The following MAU2 variants were observed in gnomAD, a reference collection of about 807,000 sequenced individuals.
The protein encoded by MAU2 is MAU2 sister chromatid cohesion factor.
A neutral mutation model predicts 89.1 loss-of-function variants in MAU2; 9 were observed. That is an observed-to-expected ratio of 0.10 (90% CI 0.06 to 0.18). The LOEUF (loss-of-function observed/expected upper bound fraction) is 0.18. Ranked by LOEUF, MAU2 falls within the 10% of genes least tolerant of loss-of-function variation. MAU2 has a pLI of 1.00. For missense variants in MAU2, 425 were observed against 803.5 expected, an observed-to-expected ratio of 0.53 and a Z score of 5.69; for synonymous variants, 357 against 343.4, an observed-to-expected ratio of 1.04 and a Z score of -0.44.
intron 16 of MAU2, 39 bp from the exon 17 acceptor site, chr19:19,354,316 C>T (rs1434468738): frequency 6.5e-7 from 1 of 1,544,594 alleles, no homozygotes; most frequent in Non-Finnish European, 9.0e-7. Context: ...CAAGTGGGGT[C>T]CAGGCTCCTC....
rs369114081 is a variant in MAU2 at position 19,348,983 on chromosome 19, G to A, written c.1358+45G>A. Reference sequence around the variant, plus strand: ...ACTCCACGCACGGCCTAGGCTCCCCGTGCTCTTTGGTTGGGGCCCCTGACT... The same window carrying A: ...ACTCCACGCACGGCCTAGGCTCCCCATGCTCTTTGGTTGGGGCCCCTGACT... On this transcript the variant is annotated intron_variant, in intron 14 of 18. Transcript: ENST00000262815. The A allele has an allele frequency of 5.9e-5, 94 of 1,602,622 alleles. No homozygotes were observed. In the Admixed American group the frequency reaches 1.3e-3, roughly 22 times the overall value.
intron 16 of MAU2, 126 bp downstream of exon 16, chr19:19,349,562 G>T: frequency 2.5e-6 from 2 of 804,432 alleles, no homozygotes; most frequent in East Asian, 5.2e-5. Context: ...AGCACGTCTA[G>T]GTGGATGCCC....
At position 19,356,279 on chromosome 19, in the gene MAU2, A is replaced by C; in HGVS notation, c.*497A>C. On this transcript the variant is annotated 3_prime_UTR_variant, in exon 19 of 19. Coordinates refer to ENST00000262815, the MANE Select transcript of MAU2 (RefSeq NM_015329.4). ...TTTGGAGGGAAGAAGTAATGGCGCT[A>C]GTGTGGGACGAAGCACAGATCCCAG... 1 of 351,246 alleles carries C rather than the reference A, an allele frequency of 2.8e-6. No homozygotes were observed. Among genetic ancestry groups the C allele is most frequent in the Non-Finnish European group, 5.7e-6 (1 of 176,646 alleles). The allele number at this position is 351,246 out of a possible 1,614,324, so 21.8% of individuals were successfully genotyped here.
chr19:19,344,619 A>G (rs1406513881), intron 10 of MAU2: 5 of 578,286 alleles, frequency 8.6e-6, no homozygotes, highest in African/African-American at 7.5e-5. Context: ...TACAACCCAG[A>G]CACCTGTTGG....
rs1010524433 is a variant in MAU2 at position 19,345,758 on chromosome 19, A to T, written c.1221+389A>T. Among the ~76,000 whole-genome samples, 1 of 152,126 alleles carries T rather than the reference A, an allele frequency of 6.6e-6. No homozygotes were observed. The highest frequency in any genetic ancestry group is 2.4e-5 in the African/African-American group (1 of 41,420). ...CCATGGGGAGTGGTGGAGCTGGGCCATCTCCCAGGTGCTCTTTGGACAGAG... is the reference window on the plus strand; with the variant it reads ...CCATGGGGAGTGGTGGAGCTGGGCCTTCTCCCAGGTGCTCTTTGGACAGAG... On this transcript the variant is annotated intron_variant, in intron 12 of 18. Coordinates refer to ENST00000262815, the MANE Select transcript of MAU2 (RefSeq NM_015329.4). This position sits in a 1 kb window ranked among gnomAD's most constrained non-coding sequence, Gnocchi z 4.9.
intron 1 of MAU2, among the ~76,000 whole-genome samples, chr19:19,324,934 T>C (rs2061492497): frequency 6.6e-6 from 1 of 152,226 alleles, no homozygotes; most frequent in Non-Finnish European, 1.5e-5. Flanking sequence ...GTGCATTTTT[T>C]CCCAATCAGG....
chr19:19,329,990 A>T (rs1224475733), intron 1 of MAU2, among the ~76,000 whole-genome samples: 5 of 149,534 alleles, frequency 3.3e-5, no homozygotes, highest in East Asian at 2.0e-4. Flanking sequence ...TTTATTTTTT[A>T]TTTTTTTGAG....
chr19:19,344,958 A>G, intron 11 of MAU2, 32 bp downstream of exon 11: 1 of 1,600,408 alleles, frequency 6.2e-7, no homozygotes, highest in Non-Finnish European at 8.6e-7. Flanking sequence ...CCCCGGGAGA[A>G]TCCAGAATGT....
At chr19:19,340,985 GC>G in intron 6 of MAU2, 112 bp downstream of exon 6, 1 of 1,420,934 alleles carries the variant, frequency 7.0e-7, no homozygotes, top group Non-Finnish European at 9.7e-7. Context: ...CCCCTTAGGC[GC>G]CCAGACCCTT....
chr19:19,339,033 G>A, intron 5 of MAU2, 94 bp downstream of exon 5: 1 of 941,616 alleles, frequency 1.1e-6, no homozygotes, highest in Admixed American at 2.6e-5. Context: ...GGCATTTCAG[G>A]TGAAGTACAG....
chr19:19,347,270 C>G lies in MAU2; in HGVS notation c.1222-10C>G. On this transcript the variant is annotated splice_polypyrimidine_tract_variant and intron_variant, in intron 12 of 18. Coordinates refer to ENST00000262815, the MANE Select transcript of MAU2 (RefSeq NM_015329.4). ...ACCCAGCCCCCTAATGTCCCCGCCT[C>G]CCATTCCAGCTCACCAACCACCAGG... is the stretch of plus-strand genomic sequence containing the variant. 1 of 1,609,396 alleles carries G rather than the reference C, an allele frequency of 6.2e-7. No homozygotes were observed. Among genetic ancestry groups the G allele is most frequent in the Non-Finnish European group, 8.5e-7 (1 of 1,175,866 alleles).
At chr19:19,353,549 GT>G in intron 16 of MAU2, 1 of 152,428 alleles carries the variant, frequency 6.6e-6, no homozygotes, top group Non-Finnish European at 1.5e-5. Flanking sequence ...TCAGGAGTTG[GT>G]TTTGGGGATG....
At chr19:19,326,721 C>CAT (rs35247410) in intron 1 of MAU2, among the ~76,000 whole-genome samples, 35,721 of 77,636 alleles carry the variant, frequency 0.46, 9,975 homozygotes, top group East Asian at 0.68. Flanking sequence ...TATATATATA[C>CAT]ATATATATAT....
intron 1 of MAU2, chr19:19,334,271 C>A: frequency 1.0e-6 from 1 of 985,546 alleles, no homozygotes; most frequent in Non-Finnish European, 1.2e-6. Context: ...GTCCGTGCCA[C>A]AAGAGGGGAC....
intron 6 of MAU2, 83 bp downstream of exon 6, chr19:19,340,956 C>G (rs775917871): frequency 1.0e-4 from 159 of 1,567,504 alleles, no homozygotes; most frequent in Non-Finnish European, 1.3e-4. Flanking sequence ...TCAGACCCCA[C>G]CCACTCTCCA....
In MAU2 at chr19:19,347,300, G is replaced by C; in HGVS notation, c.1242G>C (p.Leu414=). 6.2e-7 allele frequency: 1 copy of C among 1,613,886 alleles called. No individual in the cohort carries two copies. Among genetic ancestry groups the C allele is most frequent in the Non-Finnish European group, 8.5e-7 (1 of 1,179,928 alleles). Reference sequence around the variant, plus strand: ...TCCAGCTCACCAACCACCAGGAGCTGTGGGCCTTCATCGTCACCAACCTGG... The same window carrying C: ...TCCAGCTCACCAACCACCAGGAGCTCTGGGCCTTCATCGTCACCAACCTGG... ...TALRLTNHQE[L]WAFIVTNLAS... is the part of the protein sequence containing the mutation. Residue 414 remains leucine, a synonymous_variant, in exon 13 of 19, where the codon CTG becomes CTC. Transcript: ENST00000262815.
chr19:19,336,018 C>T (rs867066783), intron 2 of MAU2, 104 bp from the exon 3 acceptor site: 11 of 821,410 alleles, frequency 1.3e-5, no homozygotes, highest in Middle Eastern at 2.4e-4. Context: ...CAGGCAGGGA[C>T]GTGTGTGCCC....
At chr19:19,326,713 T>C (rs1453266452) in intron 1 of MAU2, among the ~76,000 whole-genome samples, 2 of 114,372 alleles carry the variant, frequency 1.7e-5, no homozygotes, top group Admixed American at 1.0e-4. Flanking sequence ...TATATATATA[T>C]ATATATACAT....
intron 1 of MAU2, among the ~76,000 whole-genome samples, chr19:19,332,318 C>G (rs1234297846): frequency 1.4e-5 from 2 of 142,488 alleles, no homozygotes; most frequent in Admixed American, 1.5e-4. Context: ...CACCACCATG[C>G]CTGGCTGATT....
Sources: gnomAD v4.1 joint callset for allele counts (sites outside exome capture counted in the v4.1 genomes callset) on GRCh38, gnomAD v4.1.1 for gene constraint, Gnocchi (gnomAD v3.1) non-coding constraint, MANE v1.5 for transcripts, NCBI Gene and HGNC (gene_info 2026-07-23, HGNC 2026-07-21) for gene names.